The following DNAH17 variants were observed in gnomAD, a reference collection of about 807,000 sequenced individuals.
DNAH17 encodes the protein dynein axonemal heavy chain 17, also known as axonemal beta dynein heavy chain 17.
Under a neutral mutation model 485.6 loss-of-function variants are expected in DNAH17, and 376 were observed. The observed-to-expected ratio is 0.77, with a 90% CI of 0.71 to 0.84. The LOEUF is 0.84. DNAH17 is among the 40% of genes least tolerant of loss of function. The probability of loss-of-function intolerance (pLI) is 0.00; values close to 1 mark genes in which losing one functional copy is unlikely to be tolerated. For synonymous variants in DNAH17, 3,031 were observed against 2,405.9 expected, an observed-to-expected ratio of 1.26 and a Z score of -7.60; for missense variants, 6,370 against 5,839.3, an observed-to-expected ratio of 1.09 and a Z score of -2.96.
In DNAH17 at chr17:78,478,619, C is replaced by CCA. The variant is rs2089204158; in HGVS notation, c.7992+405_7992+406insTG. Among the ~76,000 whole-genome samples, 4 of 146,754 alleles carry CCA rather than the reference C, an allele frequency of 2.7e-5. No individual in the cohort carries two copies. The South Asian group carries it at 6.6e-4, about 24-fold the overall frequency. On this transcript the variant is annotated intron_variant, in intron 51 of 80. Coordinates refer to ENST00000389840, the MANE Select transcript of DNAH17 (RefSeq NM_173628.4). Reference sequence around the variant, plus strand: ...CACTGTCACCACCACCGTCATCACCCCCATTATTATAATCATTATCACCAT... The same window carrying CCA: ...CACTGTCACCACCACCGTCATCACCCCACCATTATTATAATCATTATCACCAT...
rs370459386 is a variant in DNAH17, at chr17:78,574,917, G to A, written c.141C>T (p.Pro47=). Residue 47 remains proline (P), a synonymous_variant, in exon 2 of 81, where the codon CCC becomes CCT. Transcript: ENST00000389840. The part of the protein sequence containing the change: ...VALFTEFFEK[P]DVQVLVLTLN... ...GCGTCAGCACCAGCACCTGGACGTC[G>A]GGCTTTTCAAAGAACTCTGTGAACA... 75 of 1,613,860 alleles carry A rather than the reference G, an allele frequency of 4.6e-5. 1 individual carries two copies. Among genetic ancestry groups the A allele is most frequent in the Middle Eastern group, 1.6e-4 (1 of 6,084 alleles).
At chr17:78,437,070 C>G (rs1435684621) in intron 74 of DNAH17, among the ~76,000 whole-genome samples, 1 of 152,174 alleles carries the variant, frequency 6.6e-6, no homozygotes, top group Non-Finnish European at 1.5e-5. Context: ...GCCACTACAG[C>G]TGTTAGCAGA....
At chr17:78,466,879 ACT>A (rs1321819172) in intron 55 of DNAH17, 63 bp from the exon 56 acceptor site, 4 of 1,426,604 alleles carry the variant, frequency 2.8e-6, no homozygotes, top group Non-Finnish European at 2.8e-6. Context: ...CTAATCCATC[ACT>A]CTGCAGAAAG....
Position 78,558,138 on chromosome 17 carries a change from G to T in DNAH17, c.2148C>A (p.Asn716Lys). ...ENETFRKFVG[N>K]LELIVGWYNE... ...TATACCAGCCAACGATGAGCTCCAGGTTGCCCACAAACTTCCGGAAAGTTT... is the reference window on the plus strand; with the variant it reads ...TATACCAGCCAACGATGAGCTCCAGTTTGCCCACAAACTTCCGGAAAGTTT... Residue 716 changes from asparagine to lysine, a missense_variant, in exon 14 of 81, where the codon AAC becomes AAA. By Grantham distance (94) the Asn-to-Lys change is moderately conservative. Transcript: ENST00000389840. The T allele has an allele frequency of 5.6e-6, 9 of 1,613,744 alleles. No individual in the cohort carries two copies. Among genetic ancestry groups the T allele is most frequent in the Non-Finnish European group, 7.6e-6 (9 of 1,179,824 alleles).
At chr17:78,471,063 G>C (rs558273459) in intron 54 of DNAH17, among the ~76,000 whole-genome samples, 1 of 152,234 alleles carries the variant, frequency 6.6e-6, no homozygotes, top group East Asian at 1.9e-4. Context: ...GCGTTTTGGC[G>C]ATTTGCTTAT....
chr17:78,462,967 G>T lies in DNAH17; in HGVS notation c.9051C>A (p.Pro3017=). 1 of 1,613,988 alleles carries T rather than the reference G, an allele frequency of 6.2e-7. No homozygotes were observed. The highest frequency in any genetic ancestry group is 1.1e-5 in the South Asian group (1 of 91,068). The stretch of plus-strand genomic sequence containing the variant: ...GTTTGATCTGCTCCAGAAAGGTTTT[G>T]GGTGTGGTGTAGTTGTAGCGCCTCT... ...ATERRYNYTT[P]KTFLEQIKLY... Residue 3017 remains proline, a synonymous_variant, in exon 57 of 81, where the codon CCC becomes CCA. Coordinates refer to ENST00000389840, the MANE Select transcript of DNAH17 (RefSeq NM_173628.4).
Position 78,494,772 on chromosome 17 carries a change from C to T in DNAH17, c.6091G>A (p.Ala2031Thr), listed in dbSNP as rs904638750. 6.2e-7 allele frequency: 1 copy of T among 1,613,260 alleles called. No homozygotes were observed. The highest frequency in any genetic ancestry group is 2.2e-5 in the East Asian group (1 of 44,864). The change falls in exon 40 of 81, where the codon GCC becomes ACC. Residue 2031 changes from alanine to threonine, a missense_variant. Physicochemically the swap from Ala to Thr is moderately conservative, Grantham distance 58. Transcript: ENST00000389840. ...LRAIKSVLVV[A>T]GSLKRGDPSR... ...GGGTCGCCCCTCTTCAGGGAGCCGG[C>T]CACCACCAGCACAGACTTGATGGCT...
At chr17:78,562,356 G>A (rs980085463) in intron 11 of DNAH17, among the ~76,000 whole-genome samples, 2 of 152,156 alleles carry the variant, frequency 1.3e-5, no homozygotes, top group African/African-American at 2.4e-5. Context: ...GGCCGAGGCG[G>A]GAGGGTCACT....
chr17:78,468,603 G>C lies in DNAH17; in HGVS notation c.8778+14C>G. The C allele has an allele frequency of 6.2e-7, 1 of 1,608,586 alleles. No homozygotes were observed. Among genetic ancestry groups the C allele is most frequent in the Non-Finnish European group, 8.5e-7 (1 of 1,176,554 alleles). ...GCTGGGCTCTTGAGGCCCTGCCGAA[G>C]ACGGGAGCCCCACCTTGAGCTGTCT... On this transcript the variant is annotated intron_variant, in intron 55 of 80. Coordinates refer to ENST00000389840, the MANE Select transcript of DNAH17 (RefSeq NM_173628.4).
rs1245609904 is a variant in DNAH17 at position 78,426,517 on chromosome 17, C to T, written c.12855G>A (p.Arg4285=). Reference sequence around the variant, plus strand: ...CCAGGCCCATCATGGAGGGGTAGGCCCGGGCCACCCACGTATCAGGCACGG... The same window carrying T: ...CCAGGCCCATCATGGAGGGGTAGGCTCGGGCCACCCACGTATCAGGCACGG... ...YDTVPDTWVA[R]AYPSMMGLAA... The change falls in exon 79 of 81, where the codon CGG becomes CGA. Residue 4285 remains arginine (R), a synonymous_variant. Transcript: ENST00000389840. 1 of 1,613,670 alleles carries T rather than the reference C, an allele frequency of 6.2e-7. No homozygotes were observed. The highest frequency in any genetic ancestry group is 1.7e-5 in the Admixed American group (1 of 59,990).
At chr17:78,572,442 C>A (rs1458233175) in intron 3 of DNAH17, among the ~76,000 whole-genome samples, 1 of 152,104 alleles carries the variant, frequency 6.6e-6, no homozygotes, top group Non-Finnish European at 1.5e-5. Flanking sequence ...ACATGTGTGA[C>A]CCAGCGGGGG....
At position 78,451,664 on chromosome 17, in the gene DNAH17, C is replaced by A. The variant is rs2087560256; in HGVS notation, c.10539G>T (p.Lys3513Asn). 1.3e-6 allele frequency: 2 copies of A among 1,568,596 alleles called. No homozygotes were observed. The highest frequency in any genetic ancestry group is 1.7e-6 in the Non-Finnish European group (2 of 1,156,830). ...GGTACTCCACCTCCTTGTCACCGAT[C>A]TTAATGTACCTGGCGGTTGGTGGAG... ...RNTIKKGKYI[K>N]IGDKEVEYHP... is the part of the protein sequence containing the mutation. Residue 3513 changes from lysine to asparagine, a missense_variant, in exon 66 of 81, where the codon AAG (lysine) becomes AAT (asparagine). Physicochemically the swap from Lys to Asn is moderately conservative, Grantham distance 94. Coordinates refer to ENST00000389840, the MANE Select transcript of DNAH17 (RefSeq NM_173628.4).
chr17:78,576,476 A>G (rs2092434540), intron 1 of DNAH17, among the ~76,000 whole-genome samples: 1 of 152,194 alleles, frequency 6.6e-6, no homozygotes, highest in Non-Finnish European at 1.5e-5. Context: ...GGACACCACC[A>G]GGCAAGTAGG....
chr17:78,431,034 A>G (rs1325078384), intron 75 of DNAH17, among the ~76,000 whole-genome samples: 7 of 147,328 alleles, frequency 4.8e-5, no homozygotes, highest in Non-Finnish European at 1.0e-4. Context: ...TCACACCACC[A>G]TGCCAGACTA....
chr17:78,501,530 C>T (rs973919489), intron 34 of DNAH17, 186 bp from the exon 35 acceptor site: 10 of 966,940 alleles, frequency 1.0e-5, no homozygotes, highest in African/African-American at 1.6e-5. Context: ...TACAGAATGG[C>T]ACTTCCAATG....
chr17:78,507,600 G>A lies in DNAH17; in HGVS notation c.4442C>T (p.Thr1481Met), dbSNP rs370414556. ...CCAGATGGAGATGACGGAGTCCGCC[G>A]TGGACAGCTTCTGCTGCCAGCTTGT... ...EVTSWQQKLSTADSVISIWFE... is the reference protein window; with the variant it reads ...EVTSWQQKLSMADSVISIWFE... Residue 1481 changes from threonine (T) to methionine (M), a missense_variant, in exon 28 of 81, where the codon ACG becomes ATG. Thr to Met is a moderately conservative substitution (Grantham distance 81). Coordinates refer to ENST00000389840, the MANE Select transcript of DNAH17 (RefSeq NM_173628.4). 5.0e-5 allele frequency: 80 copies of A among 1,614,180 alleles called. 1 individual carries two copies. The African/African-American group carries it at 6.4e-4, about 13-fold the overall frequency.
At chr17:78,440,966 T>G in intron 72 of DNAH17, 85 bp downstream of exon 72, 1 of 1,500,066 alleles carries the variant, frequency 6.7e-7, no homozygotes, top group Non-Finnish European at 9.1e-7. Context: ...TGGTGTCTCA[T>G]GTGCTTTTGG....
intron 1 of DNAH17, 27 bp downstream of exon 1, chr17:78,577,267 TC>T: frequency 6.6e-6 from 1 of 152,294 alleles, no homozygotes; most frequent in Non-Finnish European, 1.5e-5. Flanking sequence ...GGCCTCCGAC[TC>T]CCCCAGCATG....
At chr17:78,459,233 A>AGTC in intron 60 of DNAH17, 25 bp from the exon 61 acceptor site, 1 of 1,608,758 alleles carries the variant, frequency 6.2e-7, no homozygotes. Context: ...AGAGGGCCGG[A>AGTC]GTCGTCACCC....
Sources: gnomAD v4.1 joint callset for allele counts (sites outside exome capture counted in the v4.1 genomes callset) on GRCh38, gnomAD v4.1.1 for gene constraint, MANE v1.5 for transcripts, NCBI Gene and HGNC (gene_info 2026-07-23, HGNC 2026-07-21) for gene names.